Variants in TNS3 observed in about 807,000 individuals in gnomAD.
The protein encoded by TNS3 is tensin-3.
TNS3 carries 45 observed loss-of-function variants against 140.9 expected under a neutral mutation model. The observed-to-expected ratio is 0.32, with a 90% confidence interval of 0.25 to 0.41. The LOEUF (loss-of-function observed/expected upper bound fraction) is 0.41. Among genes scored for constraint, TNS3 ranks in the 10% least tolerant of loss-of-function variants. TNS3 has a pLI of 1.00. For missense variants in TNS3, 1,716 were observed against 1,906.7 expected (o/e 0.90, Z 1.86); for synonymous variants, 815 against 788.4 (o/e 1.03, Z -0.56).
chr7:47,525,509 A>C (rs890125248), intron 2 of TNS3, among the ~76,000 whole-genome samples: 4 of 152,200 alleles, frequency 2.6e-5, no homozygotes, highest in African/African-American at 9.6e-5. Context: ...CTCTTTCAAG[A>C]ACAAAAGCTG....
chr7:47,537,966 A>ACCCCCCCCCCCCCCCC (rs113842617), intron 1 of TNS3, among the ~76,000 whole-genome samples: 56 of 126,162 alleles, frequency 4.4e-4, no homozygotes, highest in Admixed American at 5.8e-4. Flanking sequence ...CCCTCACCGC[A>ACCCCCCCCCCCCCCCC]CCCCCCCCAC....
intron 4 of TNS3, among the ~76,000 whole-genome samples, chr7:47,446,025 C>T (rs1239388121): frequency 6.9e-6 from 1 of 144,352 alleles, no homozygotes. Context: ...AAATCCTAAC[C>T]TCATATAAGG....
intron 3 of TNS3, among the ~76,000 whole-genome samples, chr7:47,500,522 C>A (rs1406538446): frequency 6.6e-6 from 1 of 152,192 alleles, no homozygotes; most frequent in Non-Finnish European, 1.5e-5. Context: ...CAGAGCATAT[C>A]TAAAGCACTC....
intron 17 of TNS3, among the ~76,000 whole-genome samples, chr7:47,352,692 T>C (rs1454047981): frequency 6.6e-6 from 1 of 152,114 alleles, no homozygotes; most frequent in East Asian, 1.9e-4. Flanking sequence ...GGTTCCTGGC[T>C]CCCTTCCAGG....
At chr7:47,478,423 C>T (rs1057506108) in intron 4 of TNS3, among the ~76,000 whole-genome samples, 8 of 151,956 alleles carry the variant, frequency 5.3e-5, no homozygotes, top group Admixed American at 1.3e-4. Flanking sequence ...CACACACACA[C>T]ACACACACAC....
chr7:47,448,376 T>C (rs1795853506), intron 4 of TNS3, among the ~76,000 whole-genome samples: 1 of 152,132 alleles, frequency 6.6e-6, no homozygotes, highest in Non-Finnish European at 1.5e-5. Flanking sequence ...GGTTTGATGT[T>C]CCTCTCCACA....
chr7:47,321,185 C>T (rs1297509656), intron 20 of TNS3, among the ~76,000 whole-genome samples: 2 of 152,218 alleles, frequency 1.3e-5, no homozygotes, highest in African/African-American at 2.4e-5. Context: ...CTTCTTGGTC[C>T]CGATTCTCCT....
intron 16 of TNS3, among the ~76,000 whole-genome samples, chr7:47,393,994 A>C (rs895262096): frequency 2.0e-5 from 3 of 150,970 alleles, no homozygotes; most frequent in Non-Finnish European, 3.0e-5. Context: ...CCAGACCATC[A>C]CCTGCATGGC....
At chr7:47,486,692 C>CA (rs2151811240) in intron 3 of TNS3, among the ~76,000 whole-genome samples, 1 of 152,326 alleles carries the variant, frequency 6.6e-6, no homozygotes, top group East Asian at 1.9e-4. Flanking sequence ...AAGGACAACT[C>CA]AGTTCTCCTC....
At chr7:47,313,449 T>C (rs1562583176) in intron 20 of TNS3, among the ~76,000 whole-genome samples, 2 of 152,290 alleles carry the variant, frequency 1.3e-5, no homozygotes, top group East Asian at 3.9e-4. Context: ...TAGGGTCTCA[T>C]GCCAAGAAGC....
chr7:47,431,931 A>G (rs544656744), intron 8 of TNS3, among the ~76,000 whole-genome samples: 1 of 152,206 alleles, frequency 6.6e-6, no homozygotes, highest in Non-Finnish European at 1.5e-5. Flanking sequence ...ACAAACTCAT[A>G]AATTCCTGGA....
At chr7:47,290,181 C>CA (rs1357135590) in intron 27 of TNS3, among the ~76,000 whole-genome samples, 1 of 151,618 alleles carries the variant, frequency 6.6e-6, no homozygotes, top group Admixed American at 6.6e-5. Flanking sequence ...CATCTGCAGG[C>CA]AAAAAAATAA....
At chr7:47,448,005 A>G (rs1795835364) in intron 4 of TNS3, among the ~76,000 whole-genome samples, 1 of 152,238 alleles carries the variant, frequency 6.6e-6, no homozygotes, top group Non-Finnish European at 1.5e-5. Context: ...CAGAGAAGAC[A>G]GCAGGAGGCT....
At chr7:47,373,852 T>C (rs113817812) in intron 16 of TNS3, among the ~76,000 whole-genome samples, 3 of 152,352 alleles carry the variant, frequency 2.0e-5, no homozygotes, top group African/African-American at 4.8e-5. Flanking sequence ...TCAGCTGCCT[T>C]AGCAGGCAAA....
At chr7:47,444,384 C>T (rs892471293) in intron 4 of TNS3, among the ~76,000 whole-genome samples, 2 of 149,672 alleles carry the variant, frequency 1.3e-5, no homozygotes, top group Non-Finnish European at 2.9e-5. Context: ...ATCATTTGAC[C>T]GTGAAAGACT....
chr7:47,319,655 G>A (rs1290259574), intron 20 of TNS3, among the ~76,000 whole-genome samples: 3 of 152,138 alleles, frequency 2.0e-5, no homozygotes, highest in Non-Finnish European at 4.4e-5. Flanking sequence ...CTCTTACCAT[G>A]ACTTGAAAAC....
chr7:47,475,876 A>G (rs1797177979), intron 4 of TNS3, among the ~76,000 whole-genome samples: 2 of 152,244 alleles, frequency 1.3e-5, no homozygotes, highest in South Asian at 4.2e-4. Context: ...TGGTGCCTCC[A>G]AGTCTGCAAA....
intron 16 of TNS3, among the ~76,000 whole-genome samples, chr7:47,388,809 G>T (rs887688513): frequency 2.0e-5 from 3 of 152,044 alleles, no homozygotes; most frequent in African/African-American, 7.3e-5. Flanking sequence ...GGAGGTTGCA[G>T]TGAGCCAAGA....
In TNS3 at chr7:47,389,103, CGGAAGCAGAAGA is replaced by C. The variant is rs1394015696; in HGVS notation, c.1024+7685_1024+7696del. 2.7e-3 allele frequency among the ~76,000 whole-genome samples: 44 copies of C among 16,470 alleles called. 8 individuals carry two copies. The highest frequency in any genetic ancestry group is 6.9e-3 in the African/African-American group (40 of 5,838). The allele number at this position is 16,470 out of a possible 152,430, so 10.8% of individuals were successfully genotyped here. ...GAAGAAGAGGAAGAGGAAGAGGAAG[CGGAAGCAGAAGA>C]AGAAGAAGAAGAAGAAGAAGAAGAA... On this transcript the variant is annotated intron_variant, in intron 16 of 30. Coordinates refer to ENST00000311160, the MANE Select transcript of TNS3 (RefSeq NM_022748.12).
Sources: allele counts gnomAD v4.1 joint callset (sites outside exome capture counted in the v4.1 genomes callset), GRCh38; gene constraint gnomAD v4.1.1; transcripts MANE v1.5; gene names NCBI Gene and HGNC (gene_info 2026-07-23, HGNC 2026-07-21).